Variants in CAMK1D observed in about 807,000 individuals in gnomAD.
CAMK1D encodes calcium/calmodulin dependent protein kinase ID.
CAMK1D carries 9 observed loss-of-function variants against 47.7 expected under a neutral mutation model. The observed-to-expected ratio is 0.19, with a 90% CI of 0.11 to 0.33. CAMK1D has a LOEUF of 0.33. Among genes scored for constraint, CAMK1D ranks in the 10% least tolerant of loss-of-function variants. The probability of loss-of-function intolerance (pLI) is 1.00; values close to 1 mark genes in which losing one functional copy is unlikely to be tolerated. For missense variants in CAMK1D, 291 were observed against 488.7 expected (o/e 0.60, Z 3.81); for synonymous variants, 184 against 184.9 (o/e 0.99, Z 0.04).
chr10:12,628,083 AAAAAAAC>A (rs1233421444), intron 2 of CAMK1D, among the ~76,000 whole-genome samples: 1 of 137,858 alleles, frequency 7.3e-6, no homozygotes, highest in African/African-American at 2.5e-5. Context: ...TCTGTCTCAA[AAAAAAAC>A]AAAAAACAAA....
At chr10:12,503,896 T>C (rs1240552002) in intron 1 of CAMK1D, among the ~76,000 whole-genome samples, 1 of 152,162 alleles carries the variant, frequency 6.6e-6, no homozygotes, top group Non-Finnish European at 1.5e-5. Context: ...TATACCGGAC[T>C]GAGGATAGTG....
At chr10:12,396,057 A>G (rs1420473614) in intron 1 of CAMK1D, among the ~76,000 whole-genome samples, 1 of 152,026 alleles carries the variant, frequency 6.6e-6, no homozygotes, top group Non-Finnish European at 1.5e-5. Flanking sequence ...TATTTTTAGT[A>G]GAGACAGGGT....
chr10:12,371,002 TAC>T (rs766178863), intron 1 of CAMK1D, among the ~76,000 whole-genome samples: 1 of 152,220 alleles, frequency 6.6e-6, no homozygotes, highest in Non-Finnish European at 1.5e-5. Flanking sequence ...TTTGCAGCTA[TAC>T]AGTGTGTGTG....
intron 3 of CAMK1D, among the ~76,000 whole-genome samples, chr10:12,751,348 G>A (rs992792227): frequency 2.6e-5 from 4 of 152,116 alleles, no homozygotes; most frequent in African/African-American, 9.7e-5. Flanking sequence ...TCCAACTCCT[G>A]CCTCAAATGA....
chr10:12,542,607 T>C (rs1288808046), intron 1 of CAMK1D, among the ~76,000 whole-genome samples: 7 of 152,198 alleles, frequency 4.6e-5, no homozygotes, highest in Non-Finnish European at 1.0e-4. Context: ...TTTCATCAGT[T>C]CCATTCGACT....
intron 1 of CAMK1D, among the ~76,000 whole-genome samples, chr10:12,442,519 C>T (rs1363981672): frequency 3.7e-4 from 57 of 152,086 alleles, no homozygotes; most frequent in Non-Finnish European, 8.8e-5. Context: ...TTCTCTTAGA[C>T]GTTATATGGA....
In CAMK1D at chr10:12,828,764, T is replaced by C; in HGVS notation, c.1040-5T>C. ...TCTGAAGCCCACTTCTGCTGTTCCC[T>C]GCAGGTCTGGCACCTTCCACGCTCT... On this transcript the variant is annotated splice_region_variant and splice_polypyrimidine_tract_variant and intron_variant, in intron 10 of 10. Transcript: ENST00000619168. 1 of 1,600,656 alleles carries C rather than the reference T, an allele frequency of 6.2e-7. No individual in the cohort carries two copies.
chr10:12,404,897 C>T (rs1490957181), intron 1 of CAMK1D, among the ~76,000 whole-genome samples: 1 of 151,930 alleles, frequency 6.6e-6, no homozygotes, highest in Non-Finnish European at 1.5e-5. Context: ...CCATGTTGGT[C>T]GGGCTGGTCT....
intron 1 of CAMK1D, among the ~76,000 whole-genome samples, chr10:12,432,820 G>C (rs1405040639): frequency 6.6e-6 from 1 of 152,212 alleles, no homozygotes; most frequent in Non-Finnish European, 1.5e-5. Flanking sequence ...CATTGGGCTG[G>C]TCTGTGCTGG....
intron 6 of CAMK1D, among the ~76,000 whole-genome samples, chr10:12,795,043 C>T (rs79906939): frequency 0.033 from 5,059 of 152,192 alleles, 283 homozygotes; most frequent in African/African-American, 0.12. Flanking sequence ...GTTGTTGACA[C>T]TAAGAATGAT....
At chr10:12,786,508 C>G (rs1354958725) in intron 5 of CAMK1D, among the ~76,000 whole-genome samples, 1 of 152,166 alleles carries the variant, frequency 6.6e-6, no homozygotes, top group African/African-American at 2.4e-5. Flanking sequence ...CCATAACAAC[C>G]ATAGTGTTAT....
chr10:12,828,663 C>CA, intron 10 of CAMK1D, 106 bp from the exon 11 acceptor site: 1 of 798,100 alleles, frequency 1.3e-6, no homozygotes, highest in South Asian at 1.5e-5. Flanking sequence ...AAATTGGGCC[C>CA]CCCCGCCCCC....
At chr10:12,391,336 C>T (rs1838721388) in intron 1 of CAMK1D, among the ~76,000 whole-genome samples, 1 of 152,134 alleles carries the variant, frequency 6.6e-6, no homozygotes, top group Non-Finnish European at 1.5e-5. Flanking sequence ...ATTCCTAAAG[C>T]AGTCTTAGGT....
chr10:12,695,066 A>AGGTACCTAGGTAGATT (rs58711322), intron 3 of CAMK1D, among the ~76,000 whole-genome samples: 3 of 139,510 alleles, frequency 2.2e-5, no homozygotes, highest in South Asian at 2.5e-4. Context: ...ATAGATAGAT[A>AGGTACCTAGGTAGATT]CATAGGTAGA....
chr10:12,750,076 C>G (rs527390986), intron 3 of CAMK1D, among the ~76,000 whole-genome samples: 56 of 152,300 alleles, frequency 3.7e-4, no homozygotes, highest in African/African-American at 1.3e-3. Flanking sequence ...ATTGACAAAG[C>G]CATTTCAGCA....
At chr10:12,594,664 G>A (rs1838091782) in intron 2 of CAMK1D, among the ~76,000 whole-genome samples, 1 of 152,212 alleles carries the variant, frequency 6.6e-6, no homozygotes. Flanking sequence ...TCCCATGGTT[G>A]GAAAGTTAAA....
chr10:12,827,353 C>CTTT (rs1564593832), intron 10 of CAMK1D, among the ~76,000 whole-genome samples: 2 of 74,724 alleles, frequency 2.7e-5, no homozygotes, highest in East Asian at 4.2e-4. Flanking sequence ...CTTCCTTCTT[C>CTTT]CTTTCTTTCT....
At position 12,387,366 on chromosome 10, in the gene CAMK1D, T is replaced by A. The variant is rs1305840598; in HGVS notation, c.92+37456T>A. ...TATATATTATATTTTATATATATAA[T>A]ATATATATTATATATTATATATATT... On this transcript the variant is annotated intron_variant, in intron 1 of 10. Coordinates refer to ENST00000619168, the MANE Select transcript of CAMK1D (RefSeq NM_153498.4). 1.5e-3 allele frequency among the ~76,000 whole-genome samples: 84 copies of A among 57,094 alleles called. 1 individual carries two copies. The East Asian group carries it at 0.041, about 28-fold the overall frequency. The allele number at this position is 57,094 out of a possible 152,430, so 37.5% of individuals were successfully genotyped here.
rs531126943 is a variant in CAMK1D at position 12,592,458 on chromosome 10, T to G, written c.224+39102T>G. Among the ~76,000 whole-genome samples the G allele has an allele frequency of 1.2e-4, 19 of 152,310 alleles. No homozygotes were observed. The East Asian group carries it at 3.1e-3, about 25-fold the overall frequency. ...ACATTGTCTTGTTTTAGAGACTGTT[T>G]TATGTGTCAGTAAGAAATGACATGG... On this transcript the variant is annotated intron_variant, in intron 2 of 10. Transcript: ENST00000619168.
Sources: allele counts gnomAD v4.1 joint callset (sites outside exome capture counted in the v4.1 genomes callset), GRCh38; gene constraint gnomAD v4.1.1; transcripts MANE v1.5; gene names NCBI Gene and HGNC (gene_info 2026-07-23, HGNC 2026-07-21).